Variants in CREB5 observed in about 807,000 individuals in gnomAD.
CREB5 encodes cAMP responsive element binding protein 5.
In CREB5, 19 loss-of-function variants were observed where a neutral mutation model predicts 57.1. That is an observed-to-expected ratio of 0.33 (90% confidence interval 0.23 to 0.49). The LOEUF is 0.49. Among genes scored for constraint, CREB5 ranks in the 20% least tolerant of loss-of-function variants. The pLI is 0.99. For synonymous variants in CREB5, 238 were observed against 238.3 expected (o/e 1.00, Z 0.01); for missense variants, 579 against 671.6 (o/e 0.86, Z 1.52).
At chr7:28,686,480 GAAA>G (rs5883163) in intron 5 of CREB5, among the ~76,000 whole-genome samples, 1 of 115,452 alleles carries the variant, frequency 8.7e-6, no homozygotes, top group Non-Finnish European at 1.8e-5. Context: ...GAGGAAAAAA[GAAA>G]AAAAAAAAAA....
At chr7:28,647,647 A>G (rs572605895) in intron 5 of CREB5, among the ~76,000 whole-genome samples, 2 of 152,334 alleles carry the variant, frequency 1.3e-5, no homozygotes, top group East Asian at 3.9e-4. Context: ...GCTGATATAA[A>G]TAAATCAAGA....
chr7:28,626,761 A>G (rs1332912539), intron 5 of CREB5, among the ~76,000 whole-genome samples: 1 of 152,184 alleles, frequency 6.6e-6, no homozygotes, highest in East Asian at 1.9e-4. Context: ...GTTCTTTCTC[A>G]TGCTCCATGG....
chr7:28,623,541 T>TA (rs1797883827), intron 5 of CREB5, among the ~76,000 whole-genome samples: 1 of 152,226 alleles, frequency 6.6e-6, no homozygotes, highest in South Asian at 2.1e-4. Context: ...TGACTCACTG[T>TA]ATGTATTACA....
chr7:28,571,112 C>T (rs1356486916), intron 5 of CREB5, among the ~76,000 whole-genome samples: 1 of 152,038 alleles, frequency 6.6e-6, no homozygotes, highest in Non-Finnish European at 1.5e-5. Flanking sequence ...GGGGCGTGTC[C>T]ACAATGTGGA....
chr7:28,433,583 C>A (rs1788817756), intron 1 of CREB5, among the ~76,000 whole-genome samples: 1 of 152,116 alleles, frequency 6.6e-6, no homozygotes, highest in Non-Finnish European at 1.5e-5. Flanking sequence ...GGGATCCTCC[C>A]ACGTCAGCCT....
intron 1 of CREB5, among the ~76,000 whole-genome samples, chr7:28,397,861 G>T (rs1166076966): frequency 6.6e-6 from 1 of 152,116 alleles, no homozygotes; most frequent in African/African-American, 2.4e-5. Flanking sequence ...GCATAGAGAG[G>T]GAGGTGTATT....
At chr7:28,491,235 A>G (rs1265209976) in intron 2 of CREB5, 3 of 985,388 alleles carry the variant, frequency 3.0e-6, no homozygotes, top group South Asian at 9.4e-5. Flanking sequence ...GGAGTTTGTC[A>G]AGAACAAGAA....
chr7:28,317,004 T>C (rs1444183568), intron 1 of CREB5, among the ~76,000 whole-genome samples: 1 of 150,962 alleles, frequency 6.6e-6, no homozygotes, highest in Admixed American at 6.6e-5. Flanking sequence ...TGAAGGTAAG[T>C]CTTGATTTAA....
chr7:28,302,717 CAGCCCTCT>C (rs1785117839), intron 1 of CREB5, among the ~76,000 whole-genome samples: 1 of 152,242 alleles, frequency 6.6e-6, no homozygotes, highest in African/African-American at 2.4e-5. Context: ...CATGGAGAGC[CAGCCCTCT>C]CTCCAGCATG....
chr7:28,508,032 G>A (rs1251262518), intron 4 of CREB5, among the ~76,000 whole-genome samples: 1 of 152,210 alleles, frequency 6.6e-6, no homozygotes, highest in African/African-American at 2.4e-5. Context: ...GAAGAATAGA[G>A]CCAATGGGTG....
At chr7:28,516,862 C>A (rs1352305397) in intron 4 of CREB5, among the ~76,000 whole-genome samples, 1 of 152,198 alleles carries the variant, frequency 6.6e-6, no homozygotes, top group Admixed American at 6.5e-5. Flanking sequence ...GGACACTCTC[C>A]TCCGAATGAA....
intron 5 of CREB5, among the ~76,000 whole-genome samples, chr7:28,648,126 G>T (rs1396961754): frequency 1.3e-5 from 2 of 152,146 alleles, no homozygotes; most frequent in Non-Finnish European, 2.9e-5. Flanking sequence ...TGCAAAGTAT[G>T]TTGAATGCAA....
intron 1 of CREB5, among the ~76,000 whole-genome samples, chr7:28,460,620 C>T (rs962726155): frequency 6.6e-6 from 1 of 152,134 alleles, no homozygotes; most frequent in African/African-American, 2.4e-5. Context: ...GGGTATCCAT[C>T]ATGAAGATGG....
At chr7:28,468,082 GT>G (rs1790663690) in intron 1 of CREB5, among the ~76,000 whole-genome samples, 1 of 152,182 alleles carries the variant, frequency 6.6e-6, no homozygotes, top group Non-Finnish European at 1.5e-5. Context: ...CTGAACGGAA[GT>G]CATTAGTTGC....
At chr7:28,598,179 G>A (rs761187627) in intron 5 of CREB5, among the ~76,000 whole-genome samples, 2 of 152,096 alleles carry the variant, frequency 1.3e-5, no homozygotes, top group Non-Finnish European at 2.9e-5. Context: ...TGCTATTCTC[G>A]TGATAGTGAA....
At chr7:28,580,618 A>G (rs951054325) in intron 5 of CREB5, among the ~76,000 whole-genome samples, 1 of 151,100 alleles carries the variant, frequency 6.6e-6, no homozygotes, top group East Asian at 2.0e-4. Flanking sequence ...AGATTTTTAT[A>G]AAAAGAGTGT....
intron 7 of CREB5, among the ~76,000 whole-genome samples, chr7:28,750,594 A>T (rs1189209259): frequency 9.4e-6 from 1 of 106,908 alleles, no homozygotes; most frequent in Non-Finnish European, 2.1e-5. Flanking sequence ...CTTAATACGA[A>T]ATATATCACT....
intron 1 of CREB5, among the ~76,000 whole-genome samples, chr7:28,349,063 C>T (rs1055630717): frequency 2.0e-5 from 3 of 152,140 alleles, no homozygotes; most frequent in South Asian, 2.1e-4. Context: ...TGGGCCTTGT[C>T]GGTTTATTGT....
intron 4 of CREB5, among the ~76,000 whole-genome samples, chr7:28,533,434 C>T (rs1793817853): frequency 6.6e-6 from 1 of 152,218 alleles, no homozygotes; most frequent in Non-Finnish European, 1.5e-5. Context: ...CCATACCTGT[C>T]CCCGCACAGT....
Sources: gnomAD v4.1 joint callset for allele counts (sites outside exome capture counted in the v4.1 genomes callset) on GRCh38, gnomAD v4.1.1 for gene constraint, MANE v1.5 for transcripts, NCBI Gene and HGNC (gene_info 2026-07-23, HGNC 2026-07-21) for gene names.